Variants in SHANK2 observed in about 807,000 individuals in gnomAD.
SHANK2 encodes SH3 and multiple ankyrin repeat domains protein 2.
A neutral mutation model predicts 133.7 loss-of-function variants in SHANK2; 43 were observed. The ratio of observed to expected loss-of-function variants is 0.32; its 90% CI spans 0.25 to 0.41. The LOEUF is 0.41. Ranked by LOEUF, SHANK2 falls within the 10% of genes least tolerant of loss-of-function variation. The probability of loss-of-function intolerance (pLI) is 1.00; values close to 1 mark genes in which losing one functional copy is unlikely to be tolerated. For synonymous variants in SHANK2, 1,017 were observed against 952.8 expected, an observed-to-expected ratio of 1.07 and a Z score of -1.24; for missense variants, 1,994 against 2,235.8, an observed-to-expected ratio of 0.89 and a Z score of 2.18.
chr11:70,823,482 G>A (rs551550685), intron 11 of SHANK2, among the ~76,000 whole-genome samples: 4 of 143,364 alleles, frequency 2.8e-5, no homozygotes, highest in South Asian at 2.3e-4. Flanking sequence ...CAGAGTTCAC[G>A]GGGGACAGAG....
chr11:71,206,431 C>CA (rs1785156253), intron 2 of SHANK2, among the ~76,000 whole-genome samples: 1 of 152,190 alleles, frequency 6.6e-6, no homozygotes. Flanking sequence ...AACTGCCACT[C>CA]AGAGTGTCAG....
chr11:71,177,736 G>A (rs2135534057), intron 2 of SHANK2, among the ~76,000 whole-genome samples: 1 of 152,074 alleles, frequency 6.6e-6, no homozygotes, highest in Non-Finnish European at 1.5e-5. Context: ...AAACCAATAA[G>A]CCAATTCAAA....
chr11:71,073,147 C>CTTTTCTTTTTTTTTTTTTTT (rs1951166965), intron 9 of SHANK2, among the ~76,000 whole-genome samples: 1 of 62,716 alleles, frequency 1.6e-5, no homozygotes, highest in Non-Finnish European at 3.9e-5. Flanking sequence ...TTTTTCTTTT[C>CTTTTCTTTTTTTTTTTTTTT]TTTTTTTTCT....
chr11:70,708,191 G>C (rs868934958), intron 14 of SHANK2, among the ~76,000 whole-genome samples: 3 of 152,062 alleles, frequency 2.0e-5, no homozygotes, highest in Admixed American at 6.6e-5. Flanking sequence ...TCTTGCAATG[G>C]GAGGAGTGCC....
chr11:70,677,768 C>T (rs565512856), intron 15 of SHANK2, among the ~76,000 whole-genome samples: 8 of 152,326 alleles, frequency 5.3e-5, no homozygotes, highest in African/African-American at 1.9e-4. Flanking sequence ...ATGCCCACTC[C>T]CTCTCACACT....
intron 17 of SHANK2, among the ~76,000 whole-genome samples, chr11:70,549,225 T>G (rs1415495594): frequency 6.6e-6 from 1 of 152,166 alleles, no homozygotes; most frequent in African/African-American, 2.4e-5. Context: ...TATCACAGGC[T>G]GCAAGCACCG....
chr11:71,116,804 G>A (rs1225101326), intron 4 of SHANK2, among the ~76,000 whole-genome samples: 7 of 152,100 alleles, frequency 4.6e-5, no homozygotes, highest in African/African-American at 1.7e-4. Flanking sequence ...GTCAATTCTC[G>A]CTCTGTTAGT....
intron 3 of SHANK2, among the ~76,000 whole-genome samples, chr11:71,123,445 G>C (rs1343426642): frequency 1.3e-5 from 2 of 152,218 alleles, no homozygotes; most frequent in African/African-American, 2.4e-5. Context: ...ATAGGCTGCT[G>C]CCCAGGAATA....
Position 70,766,690 on chromosome 11 carries a change from G to A in SHANK2, c.1777+31753C>T, listed in dbSNP as rs74858790. ...AGACGGGGCCGGAATGCTCCTTGCCGCTCTAACAGGTAGGCAGGGATTGCT... is the reference window on the plus strand; with the variant it reads ...AGACGGGGCCGGAATGCTCCTTGCCACTCTAACAGGTAGGCAGGGATTGCT... On this transcript the variant is annotated intron_variant, in intron 14 of 25. Transcript: ENST00000601538. 1.3e-3 allele frequency among the ~76,000 whole-genome samples: 194 copies of A among 152,266 alleles called. 1 individual carries two copies. Among genetic ancestry groups the A allele is most frequent in the African/African-American group, 4.5e-3 (187 of 41,540 alleles).
chr11:70,858,258 A>G (rs1364068886), intron 11 of SHANK2, among the ~76,000 whole-genome samples: 2 of 152,262 alleles, frequency 1.3e-5, no homozygotes, highest in Non-Finnish European at 2.9e-5. Flanking sequence ...TTCATATAAA[A>G]TAACAGCAGC....
intron 17 of SHANK2, among the ~76,000 whole-genome samples, chr11:70,572,044 C>T (rs1214949558): frequency 6.6e-6 from 1 of 152,212 alleles, no homozygotes; most frequent in African/African-American, 2.4e-5. Context: ...CTCCCTCTGC[C>T]ACTTGAGCAC....
At chr11:71,247,074 A>C (rs1555125085) in intron 1 of SHANK2, among the ~76,000 whole-genome samples, 1 of 152,242 alleles carries the variant, frequency 6.6e-6, no homozygotes, top group East Asian at 1.9e-4. Flanking sequence ...GATTAATAAA[A>C]GACCCATGAG....
At chr11:71,140,431 G>A (rs1291665576) in intron 3 of SHANK2, among the ~76,000 whole-genome samples, 1 of 152,192 alleles carries the variant, frequency 6.6e-6, no homozygotes, top group East Asian at 1.9e-4. Flanking sequence ...CCCTGCAAGG[G>A]GAAGATTACC....
chr11:70,847,248 G>A (rs1198486991), intron 11 of SHANK2, among the ~76,000 whole-genome samples: 1 of 152,190 alleles, frequency 6.6e-6, no homozygotes, highest in African/African-American at 2.4e-5. Context: ...CACCCCGCGG[G>A]AGGCCGTCCC....
intron 1 of SHANK2, among the ~76,000 whole-genome samples, chr11:71,235,077 C>A (rs1403225093): frequency 1.3e-5 from 2 of 152,112 alleles, no homozygotes; most frequent in Non-Finnish European, 1.5e-5. Flanking sequence ...GGGCTTTGTC[C>A]CCAGTTCCCA....
At chr11:70,502,741 ACCCC>A (rs1555159047) in intron 18 of SHANK2, 51 bp downstream of exon 18, 10 of 386,350 alleles carry the variant, frequency 2.6e-5, no homozygotes, top group African/African-American at 1.0e-4. Context: ...GCCCGCCCCC[ACCCC>A]CCCCCCCCAG....
At chr11:70,490,214 G>T in intron 23 of SHANK2, 62 bp downstream of exon 23, 1 of 1,379,268 alleles carries the variant, frequency 7.3e-7, no homozygotes, top group Non-Finnish European at 1.0e-6. Context: ...ATTCCTGAGG[G>T]GCCTAAGGCT....
chr11:70,950,586 C>T (rs1466463183), intron 10 of SHANK2, among the ~76,000 whole-genome samples: 1 of 151,930 alleles, frequency 6.6e-6, no homozygotes, highest in Non-Finnish European at 1.5e-5. Flanking sequence ...CTTCGTGCTG[C>T]CACACCAGTG....
chr11:70,649,167 T>C (rs1555009373), intron 17 of SHANK2, among the ~76,000 whole-genome samples: 1 of 152,158 alleles, frequency 6.6e-6, no homozygotes, highest in Admixed American at 6.5e-5. Flanking sequence ...ACCCCAGCCC[T>C]GAGGGTGCTG....
Sources: gnomAD v4.1 joint callset for allele counts (sites outside exome capture counted in the v4.1 genomes callset) on GRCh38, gnomAD v4.1.1 for gene constraint, MANE v1.5 for transcripts, NCBI Gene and HGNC (gene_info 2026-07-23, HGNC 2026-07-21) for gene names.